Variants in SCAP observed in about 807,000 individuals in gnomAD.
The protein encoded by SCAP is SREBF chaperone, also known as sterol regulatory element-binding protein cleavage-activating protein.
A neutral mutation model predicts 123.6 loss-of-function variants in SCAP; 65 were observed. That is an observed-to-expected ratio of 0.53 (90% confidence interval 0.43 to 0.65). SCAP has a LOEUF of 0.65. SCAP is among the 30% of genes least tolerant of loss of function. SCAP has a pLI of 0.00. For missense variants in SCAP, 1,398 were observed against 1,712.5 expected, an observed-to-expected ratio of 0.82 and a Z score of 3.24; for synonymous variants, 740 against 726.3, an observed-to-expected ratio of 1.02 and a Z score of -0.30.
In SCAP at chr3:47,419,890, G is replaced by A. The variant is rs1427466765; in HGVS notation, c.1564-186C>T. On this transcript the variant is annotated intron_variant, in intron 12 of 22. Transcript: ENST00000265565. This position sits in a 1 kb window ranked among gnomAD's most constrained non-coding sequence, Gnocchi z 5.0. ...CTGCTAACACCTGCCAACACTTGCT[G>A]CTGGAGGGGCCTGCTTGCCTTTCCA... Among the ~76,000 whole-genome samples the A allele has an allele frequency of 6.6e-6, 1 of 152,198 alleles. No homozygotes were observed. The highest frequency in any genetic ancestry group is 1.5e-5 in the Non-Finnish European group (1 of 68,036).
chr3:47,424,719 G>C (rs954212107), intron 8 of SCAP, among the ~76,000 whole-genome samples: 2 of 152,180 alleles, frequency 1.3e-5, no homozygotes, highest in South Asian at 4.1e-4. Flanking sequence ...ACAGTGTCAA[G>C]CTCAGGAAAG....
intron 1 of SCAP, among the ~76,000 whole-genome samples, chr3:47,454,538 C>G (rs1707343707): frequency 6.6e-6 from 1 of 151,260 alleles, no homozygotes. Flanking sequence ...ACCAGCCTGG[C>G]CAACAAGGTG....
At chr3:47,461,152 CTCT>C (rs2107994334) in intron 1 of SCAP, among the ~76,000 whole-genome samples, 1 of 152,316 alleles carries the variant, frequency 6.6e-6, no homozygotes, top group Non-Finnish European at 1.5e-5. Context: ...TCCCTCCACA[CTCT>C]TCAAGGCAAA....
At chr3:47,426,268 G>T (rs1047146483) in intron 6 of SCAP, 99 bp from the exon 7 acceptor site, 2 of 1,228,376 alleles carry the variant, frequency 1.6e-6, no homozygotes, top group Admixed American at 5.5e-5. Context: ...CCTCCCTCCT[G>T]CCCCTGTGTT....
At chr3:47,443,458 C>G (rs1223166022) in intron 1 of SCAP, among the ~76,000 whole-genome samples, 1 of 152,034 alleles carries the variant, frequency 6.6e-6, no homozygotes, top group East Asian at 1.9e-4. Context: ...GGCATTCTTC[C>G]CCCCCCTCCT....
intron 1 of SCAP, among the ~76,000 whole-genome samples, chr3:47,445,209 A>C (rs984545181): frequency 7.0e-6 from 1 of 142,970 alleles, no homozygotes; most frequent in East Asian, 2.1e-4. Flanking sequence ...ACATTCTAAC[A>C]TTCCTGTATT....
chr3:47,416,091 C>A (rs564093037), intron 18 of SCAP, among the ~76,000 whole-genome samples: 1 of 152,344 alleles, frequency 6.6e-6, no homozygotes, highest in South Asian at 2.1e-4. Context: ...TCACTAAGGG[C>A]AAGGGACGCC....
chr3:47,416,512 G>A (rs575272865), intron 18 of SCAP, among the ~76,000 whole-genome samples: 2 of 152,168 alleles, frequency 1.3e-5, no homozygotes, highest in East Asian at 3.9e-4. Context: ...CATTGAGAAG[G>A]GCGAGAAAGG....
At position 47,419,642 on chromosome 3, in the gene SCAP, G is replaced by A. The variant is rs751636317; in HGVS notation, c.1626C>T (p.Tyr542=). ...TCTGTTCCGTCACCTGGGCAGCGAG[G>A]TAGTTGCGCAGCCCTGCTGGGTCTG... ...VYTDPAGLRN[Y]LAAQVTEQSP... Residue 542 remains tyrosine (Y), a synonymous_variant, in exon 13 of 23, where the codon TAC becomes TAT. Coordinates refer to ENST00000265565, the MANE Select transcript of SCAP (RefSeq NM_012235.4). This position sits in a 1 kb window ranked among gnomAD's most constrained non-coding sequence, Gnocchi z 5.0. The A allele has an allele frequency of 5.1e-6, 8 of 1,568,802 alleles. No homozygotes were observed. Among genetic ancestry groups the A allele is most frequent in the Non-Finnish European group, 6.9e-6 (8 of 1,156,436 alleles).
At chr3:47,472,374 C>T (rs1271612193) in intron 1 of SCAP, among the ~76,000 whole-genome samples, 201 of 149,878 alleles carry the variant, frequency 1.3e-3, no homozygotes, top group African/African-American at 4.6e-3. Flanking sequence ...GCGGAGCTTG[C>T]AGTGAGCCGA....
At chr3:47,455,241 C>CT (rs1380795099) in intron 1 of SCAP, among the ~76,000 whole-genome samples, 2 of 151,200 alleles carry the variant, frequency 1.3e-5, no homozygotes, top group Non-Finnish European at 2.9e-5. Flanking sequence ...TTCATTAACA[C>CT]TAAAATAAAT....
intron 1 of SCAP, among the ~76,000 whole-genome samples, chr3:47,466,439 C>G (rs1182020345): frequency 6.6e-6 from 1 of 151,900 alleles, no homozygotes. Flanking sequence ...TCAGCACTAC[C>G]CATCTAACCT....
At position 47,419,484 on chromosome 3, in the gene SCAP, C is replaced by T. The variant is rs1559541582; in HGVS notation, c.1784G>A (p.Gly595Asp). Residue 595 changes from glycine to aspartate, a missense_variant, in exon 13 of 23, where the codon GGC becomes GAC. Transcript: ENST00000265565. The surrounding 1 kb of genome is among the most constrained non-coding windows in gnomAD (Gnocchi z 5.0). The stretch of plus-strand genomic sequence containing the variant: ...TGGACCTCCACGCTCAGGTGACTCG[C>T]CTGGCGACGTCTGGTTCTCAGGTAG... The part of the protein sequence containing the change: ...PKLPENQTSP[G>D]ESPERGGPAE... 6.2e-7 allele frequency: 1 copy of T among 1,613,994 alleles called. No homozygotes were observed. The highest frequency in any genetic ancestry group is 1.1e-5 in the South Asian group (1 of 91,090).
At chr3:47,460,645 G>A (rs369532437) in intron 1 of SCAP, among the ~76,000 whole-genome samples, 5 of 151,686 alleles carry the variant, frequency 3.3e-5, no homozygotes, top group African/African-American at 4.8e-5. Flanking sequence ...CTCTGCCCCC[G>A]CCCCCAGGTT....
chr3:47,474,407 T>C (rs1708188481), intron 1 of SCAP, among the ~76,000 whole-genome samples: 1 of 152,210 alleles, frequency 6.6e-6, no homozygotes, highest in African/African-American at 2.4e-5. Flanking sequence ...GTTAAATATA[T>C]TTATATAGTG....
chr3:47,443,199 C>G, intron 1 of SCAP, 108 bp from the exon 2 acceptor site: 1 of 726,906 alleles, frequency 1.4e-6, no homozygotes, highest in Non-Finnish European at 2.1e-6. Context: ...TTCAGAATGC[C>G]TATATGCAAG....
Position 47,418,129 on chromosome 3 carries a change from C to T in SCAP, c.2447+5G>A. ...CACAAAGGAGGAAAGGGCAGCCGCA[C>T]CTACCCTGGGCGCGGAATGCGCGTT... On this transcript the variant is annotated splice_donor_5th_base_variant and intron_variant, in intron 16 of 22. Transcript: ENST00000265565. 1 of 1,551,128 alleles carries T rather than the reference C, an allele frequency of 6.4e-7. No individual in the cohort carries two copies. Among genetic ancestry groups the T allele is most frequent in the East Asian group, 2.4e-5 (1 of 41,326 alleles).
intron 10 of SCAP, among the ~76,000 whole-genome samples, chr3:47,421,976 C>G (rs1705921371): frequency 6.6e-6 from 1 of 152,278 alleles, no homozygotes; most frequent in Non-Finnish European, 1.5e-5. Flanking sequence ...ACTGGTCAGG[C>G]CAGGCAAGGC....
chr3:47,475,162 C>T (rs1043521187), intron 1 of SCAP, among the ~76,000 whole-genome samples: 6 of 150,508 alleles, frequency 4.0e-5, no homozygotes, highest in Non-Finnish European at 7.4e-5. Context: ...CGACTCACTG[C>T]CCCCCCCTCC....
Sources: gnomAD v4.1 joint callset for allele counts (sites outside exome capture counted in the v4.1 genomes callset) on GRCh38, gnomAD v4.1.1 for gene constraint, Gnocchi (gnomAD v3.1) non-coding constraint, MANE v1.5 for transcripts, NCBI Gene and HGNC (gene_info 2026-07-23, HGNC 2026-07-21) for gene names.